The following MILR1 variants were observed in gnomAD, a reference collection of about 807,000 sequenced individuals.
MILR1 encodes the protein allergin-1.
MILR1 carries 31 observed loss-of-function variants against 18.5 expected under a neutral mutation model. The ratio of observed to expected loss-of-function variants is 1.68; its 90% CI spans 1.26 to 2.26. The LOEUF is 2.26. Ranked by LOEUF, MILR1 falls within the 30% of genes most tolerant of loss-of-function variation. The pLI, the probability that MILR1 is intolerant of heterozygous loss-of-function variation, is 0.00. For missense variants in MILR1, 257 were observed against 157.4 expected (o/e 1.63, Z -3.38); for synonymous variants, 85 against 56.2 (o/e 1.51, Z -2.30).
At chr17:64,454,122 G>A (rs2037237791) in intron 3 of MILR1, among the ~76,000 whole-genome samples, 1 of 151,854 alleles carries the variant, frequency 6.6e-6, no homozygotes, top group Non-Finnish European at 1.5e-5. Flanking sequence ...TAGAGATGGG[G>A]TTTCACCATG....
chr17:64,468,882 C>G (rs2037641311), downstream of MILR1, among the ~76,000 whole-genome samples: 1 of 151,914 alleles, frequency 6.6e-6, no homozygotes, highest in South Asian at 2.1e-4. Context: ...GTCAGGAGTT[C>G]AAGACCAGCT....
the MILR1 span, chr17:64,485,577 G>A: frequency 1.5e-6 from 1 of 676,898 alleles, no homozygotes; most frequent in South Asian, 1.7e-5. Flanking sequence ...TATTCCTGTG[G>A]CCAGATTCTA....
chr17:64,487,860 GT>G, the MILR1 span, among the ~76,000 whole-genome samples: 2 of 151,708 alleles, frequency 1.3e-5, no homozygotes, highest in African/African-American at 4.8e-5. Context: ...AAAAAAGATT[GT>G]TTATTGTTTT....
intron 5 of MILR1, among the ~76,000 whole-genome samples, chr17:64,464,981 G>A (rs545499411): frequency 2.0e-5 from 3 of 148,196 alleles, no homozygotes; most frequent in South Asian, 2.2e-4. Flanking sequence ...CCAGCTACTC[G>A]GGAGGCTGAG....
chr17:64,468,856 G>C (rs782470579), downstream of MILR1, among the ~76,000 whole-genome samples: 1 of 151,894 alleles, frequency 6.6e-6, no homozygotes, highest in East Asian at 2.0e-4. Context: ...AGGCCAAGGT[G>C]GGTGGATCAC....
the MILR1 span, among the ~76,000 whole-genome samples, chr17:64,493,765 C>T: frequency 2.0e-5 from 3 of 152,114 alleles, no homozygotes; most frequent in Admixed American, 6.5e-5. Flanking sequence ...GGATTACAGG[C>T]GTGAGCCACC....
At chr17:64,490,331 G>A in the MILR1 span, 1 of 178,676 alleles carries the variant, frequency 5.6e-6, no homozygotes, top group Middle Eastern at 2.7e-3. Context: ...CTCCTCATAT[G>A]ACACACTGAG....
the MILR1 span, among the ~76,000 whole-genome samples, chr17:64,494,589 C>T: frequency 6.6e-6 from 1 of 152,102 alleles, no homozygotes. Context: ...CCCCCGCCCC[C>T]GACCTCTAGG....
the MILR1 span, among the ~76,000 whole-genome samples, chr17:64,494,327 T>C: frequency 6.6e-6 from 1 of 152,208 alleles, no homozygotes; most frequent in African/African-American, 2.4e-5. Flanking sequence ...ATGAGGAACA[T>C]GTTATCAAAT....
At chr17:64,486,693 G>T in the MILR1 span, among the ~76,000 whole-genome samples, 5 of 152,230 alleles carry the variant, frequency 3.3e-5, no homozygotes, top group East Asian at 9.6e-4. Context: ...AGTAAAAATT[G>T]TTTGCTGATT....
At chr17:64,465,614 C>T in intron 6 of MILR1, 73 bp downstream of exon 6, 1 of 1,492,454 alleles carries the variant, frequency 6.7e-7, no homozygotes, top group Non-Finnish European at 9.1e-7. Flanking sequence ...GTTGTACAGA[C>T]ATACGGGAGT....
At chr17:64,454,062 T>C (rs1215556767) in intron 3 of MILR1, among the ~76,000 whole-genome samples, 2 of 151,350 alleles carry the variant, frequency 1.3e-5, no homozygotes, top group African/African-American at 4.9e-5. Context: ...CCCGAGTAGC[T>C]AGGATTACAG....
At chr17:64,479,183 GTTTT>G in the MILR1 span, among the ~76,000 whole-genome samples, 1 of 126,920 alleles carries the variant, frequency 7.9e-6, no homozygotes. Context: ...TCTGAAAGGT[GTTTT>G]TTTTTTTTTT....
chr17:64,457,500 C>G lies in MILR1; in HGVS notation c.468C>G (p.Ile156Met), dbSNP rs2037327392. ...TCTCAGTCAATGGCTCGCTGCCCATCAATTACACTTTCTTTGAAAACCATG... is the reference window on the plus strand; with the variant it reads ...TCTCAGTCAATGGCTCGCTGCCCATGAATTACACTTTCTTTGAAAACCATG... ...HCLSVNGSLP[I>M]NYTFFENHVA... Residue 156 changes from isoleucine (I) to methionine (M), a missense_variant, in exon 4 of 10, where the codon ATC (isoleucine) becomes ATG (methionine). Coordinates refer to ENST00000619286, the MANE Select transcript of MILR1 (RefSeq NM_001085423.2). The G allele has an allele frequency of 2.1e-6, 1 of 475,284 alleles. No individual in the cohort carries two copies. Among genetic ancestry groups the G allele is most frequent in the African/African-American group, 2.0e-5 (1 of 50,530 alleles). The allele number at this position is 475,284 out of a possible 1,614,324, so 29.4% of individuals were successfully genotyped here.
At chr17:64,471,054 C>T (rs892879834), downstream of MILR1, among the ~76,000 whole-genome samples, 5 of 151,990 alleles carry the variant, frequency 3.3e-5, no homozygotes, top group African/African-American at 1.2e-4. Flanking sequence ...TGCCATCCAT[C>T]CCTAGGGGGT....
downstream of MILR1, among the ~76,000 whole-genome samples, chr17:64,473,431 G>A (rs1347984280): frequency 1.3e-5 from 2 of 151,912 alleles, no homozygotes; most frequent in Non-Finnish European, 2.9e-5. Context: ...CTGGCCAGAG[G>A]AATCATCAAC....
At chr17:64,482,873 A>G in the MILR1 span, 2 of 1,104,560 alleles carry the variant, frequency 1.8e-6, no homozygotes, top group Non-Finnish European at 2.8e-6. Context: ...TTTTTGGATA[A>G]TACTCAATCT....
downstream of MILR1, among the ~76,000 whole-genome samples, chr17:64,472,589 A>C (rs553058694): frequency 7.5e-5 from 11 of 146,350 alleles, no homozygotes; most frequent in African/African-American, 3.0e-4. Context: ...AAAAAACTAT[A>C]ATACCGTGTT....
At chr17:64,466,870 G>T (rs1465959110) in intron 8 of MILR1, among the ~76,000 whole-genome samples, 3 of 152,068 alleles carry the variant, frequency 2.0e-5, no homozygotes, top group Non-Finnish European at 2.9e-5. Context: ...AAGATGTGGT[G>T]GGGGAATGTC....
Sources: gnomAD v4.1 joint callset for allele counts (sites outside exome capture counted in the v4.1 genomes callset) on GRCh38, gnomAD v4.1.1 for gene constraint, MANE v1.5 for transcripts, NCBI Gene and HGNC (gene_info 2026-07-23, HGNC 2026-07-21) for gene names.